The following TAX1BP1 variants were observed in gnomAD, a reference collection of about 807,000 sequenced individuals.
TAX1BP1 encodes Tax1 binding protein 1, also known as tax1-binding protein 1.
TAX1BP1 carries 62 observed loss-of-function variants against 97.7 expected under a neutral mutation model. That is an observed-to-expected ratio of 0.63 (90% CI 0.52 to 0.78). TAX1BP1 has a LOEUF of 0.78. TAX1BP1 is among the 30% of genes least tolerant of loss of function. The pLI, the probability that TAX1BP1 is intolerant of heterozygous loss-of-function variation, is 0.00. For missense variants in TAX1BP1, 867 were observed against 916.1 expected (o/e 0.95, Z 0.69); for synonymous variants, 340 against 304.2 (o/e 1.12, Z -1.23).
chr7:27,769,906 A>G (rs1211589075), intron 5 of TAX1BP1, 72 bp downstream of exon 5: 47 of 1,468,532 alleles, frequency 3.2e-5, no homozygotes, highest in Non-Finnish European at 4.0e-5. Context: ...TAAAGAGCTG[A>G]ACCAATTAAG....
intron 13 of TAX1BP1, among the ~76,000 whole-genome samples, chr7:27,810,121 AT>A: frequency 6.6e-6 from 1 of 151,784 alleles, no homozygotes; most frequent in South Asian, 2.1e-4. Context: ...GTTAGCCAGG[AT>A]GGTCTTGATC....
At chr7:27,827,922 G>A (rs1791249389) in intron 16 of TAX1BP1, 102 bp downstream of exon 16, 2 of 965,950 alleles carry the variant, frequency 2.1e-6, no homozygotes, top group Non-Finnish European at 3.1e-6. Context: ...GTAGGGCCTG[G>A]CCTAGCTGAA....
intron 15 of TAX1BP1, among the ~76,000 whole-genome samples, chr7:27,821,821 G>A (rs1258597568): frequency 2.6e-5 from 4 of 151,968 alleles, no homozygotes; most frequent in Admixed American, 1.3e-4. Flanking sequence ...AGCCTGTAGC[G>A]GTTAACCTCT....
At chr7:27,812,553 T>G (rs1463880847) in intron 13 of TAX1BP1, among the ~76,000 whole-genome samples, 3 of 152,134 alleles carry the variant, frequency 2.0e-5, no homozygotes, top group African/African-American at 7.2e-5. Flanking sequence ...CTTAAATTTT[T>G]GCCTAAATCA....
chr7:27,770,973 A>G (rs1397021123), intron 5 of TAX1BP1, among the ~76,000 whole-genome samples: 3 of 151,978 alleles, frequency 2.0e-5, no homozygotes, highest in African/African-American at 7.2e-5. Flanking sequence ...CTATAGGAGT[A>G]GGATTTTCCA....
At position 27,760,049 on chromosome 7, in the gene TAX1BP1, T is replaced by G. The variant is rs938796730; in HGVS notation, c.265+1916T>G. Among the ~76,000 whole-genome samples the G allele has an allele frequency of 2.0e-5, 3 of 152,088 alleles. No homozygotes were observed. The East Asian group carries it at 5.8e-4, about 29-fold the overall frequency. The stretch of plus-strand genomic sequence containing the variant: ...TTGTATTTTTAATGGAGACGGGGTT[T>G]TGCCATGTTGGCCAGGCTGGTCTCA... On this transcript the variant is annotated intron_variant, in intron 3 of 16. Transcript: ENST00000396319.
chr7:27,811,799 C>T (rs987207499), intron 13 of TAX1BP1, among the ~76,000 whole-genome samples: 3 of 152,184 alleles, frequency 2.0e-5, no homozygotes, highest in Non-Finnish European at 4.4e-5. Flanking sequence ...AACCTCTGGT[C>T]TGCTTTCTGT....
chr7:27,799,862 A>G, intron 12 of TAX1BP1, 103 bp from the exon 13 acceptor site: 1 of 839,104 alleles, frequency 1.2e-6, no homozygotes, highest in Admixed American at 3.5e-5. Flanking sequence ...TGCTGTTACA[A>G]CAGTGTTATA....
At chr7:27,745,119 A>C (rs1007841418) in intron 1 of TAX1BP1, among the ~76,000 whole-genome samples, 1 of 152,190 alleles carries the variant, frequency 6.6e-6, no homozygotes, top group African/African-American at 2.4e-5. Flanking sequence ...GTAGAGGTGC[A>C]CTTTAGAGAA....
intron 13 of TAX1BP1, among the ~76,000 whole-genome samples, chr7:27,801,302 G>GT (rs1340812097): frequency 6.9e-6 from 1 of 145,974 alleles, no homozygotes; most frequent in Non-Finnish European, 1.5e-5. Context: ...ATAGCTAATT[G>GT]TATCTATGAT....
intron 5 of TAX1BP1, among the ~76,000 whole-genome samples, chr7:27,777,207 C>T (rs1329625838): frequency 1.3e-5 from 2 of 152,104 alleles, no homozygotes; most frequent in African/African-American, 2.4e-5. Flanking sequence ...GATTGGATGT[C>T]ATATATTGTG....
intron 11 of TAX1BP1, among the ~76,000 whole-genome samples, chr7:27,795,161 A>G (rs1432848638): frequency 6.6e-6 from 1 of 152,208 alleles, no homozygotes; most frequent in Non-Finnish European, 1.5e-5. Context: ...TTTTAAATGT[A>G]AACATCTTAG....
chr7:27,784,158 T>C (rs1403539000), intron 5 of TAX1BP1, among the ~76,000 whole-genome samples: 8 of 152,208 alleles, frequency 5.3e-5, no homozygotes, highest in Non-Finnish European at 1.0e-4. Flanking sequence ...TTCATACTTT[T>C]AACTTGGCAG....
At chr7:27,817,726 A>G (rs544096719) in intron 15 of TAX1BP1, among the ~76,000 whole-genome samples, 2 of 152,226 alleles carry the variant, frequency 1.3e-5, no homozygotes, top group East Asian at 3.9e-4. Flanking sequence ...CTCTTTTTGG[A>G]TAGATAATAT....
At chr7:27,764,578 A>G (rs557689646) in intron 3 of TAX1BP1, among the ~76,000 whole-genome samples, 26 of 152,248 alleles carry the variant, frequency 1.7e-4, no homozygotes, top group African/African-American at 6.0e-4. Context: ...AAATAAAGTT[A>G]TTATTTTTTT....
At chr7:27,752,865 C>T (rs1788074078) in intron 2 of TAX1BP1, among the ~76,000 whole-genome samples, 1 of 152,180 alleles carries the variant, frequency 6.6e-6, no homozygotes, top group Non-Finnish European at 1.5e-5. Flanking sequence ...TGTAAATTGG[C>T]ATTCAATAAT....
rs1453764392 is a variant in TAX1BP1, at chr7:27,799,984, A to G, written c.1658A>G (p.Asn553Ser). 1.9e-6 allele frequency: 3 copies of G among 1,598,404 alleles called. No homozygotes were observed. The highest frequency in any genetic ancestry group is 2.3e-5 in the East Asian group (1 of 44,332). Residue 553 changes from asparagine to serine, a missense_variant, in exon 13 of 17, where the codon AAT becomes AGT. Asn to Ser is a conservative substitution (Grantham distance 46). Transcript: ENST00000396319. Reference sequence around the variant, plus strand: ...ATTTAGGATGAGAAAGCAAAATGCAATAAATATGCTGATGAACTTGCAAAA... The same window carrying G: ...ATTTAGGATGAGAAAGCAAAATGCAGTAAATATGCTGATGAACTTGCAAAA... ...QLLQDEKAKCNKYADELAKME... is the reference protein window; with the variant it reads ...QLLQDEKAKCSKYADELAKME...
intron 12 of TAX1BP1, among the ~76,000 whole-genome samples, chr7:27,797,187 C>T (rs556187766): frequency 1.1e-3 from 166 of 151,828 alleles, no homozygotes; most frequent in African/African-American, 3.9e-3. Context: ...TTAGTAGAGG[C>T]GGGGTTTCAC....
chr7:27,799,108 G>A (rs1181859221), intron 12 of TAX1BP1, among the ~76,000 whole-genome samples: 1 of 152,106 alleles, frequency 6.6e-6, no homozygotes, highest in Admixed American at 6.5e-5. Flanking sequence ...ATTTTCTCCT[G>A]TGTTGTCTTC....
Sources: allele counts gnomAD v4.1 joint callset (sites outside exome capture counted in the v4.1 genomes callset), GRCh38; gene constraint gnomAD v4.1.1; transcripts MANE v1.5; gene names NCBI Gene and HGNC (gene_info 2026-07-23, HGNC 2026-07-21).